ZNF521: variants seen among roughly 807,000 people sequenced by gnomAD.
ZNF521 encodes zinc finger protein 521.
ZNF521 carries 14 observed loss-of-function variants against 105.5 expected under a neutral mutation model. The observed-to-expected ratio is 0.13, with a 90% CI of 0.09 to 0.21. ZNF521 has a LOEUF of 0.21. Among genes scored for constraint, ZNF521 ranks in the 10% least tolerant of loss-of-function variants. The pLI is 1.00. For synonymous variants in ZNF521, 635 were observed against 606.0 expected, an observed-to-expected ratio of 1.05 and a Z score of -0.70; for missense variants, 1,233 against 1,629.7, an observed-to-expected ratio of 0.76 and a Z score of 4.19.
chr18:25,069,885 G>A (rs2033173485), intron 7 of ZNF521, among the ~76,000 whole-genome samples: 1 of 152,028 alleles, frequency 6.6e-6, no homozygotes, highest in African/African-American at 2.4e-5. Context: ...TCTCTTTAAT[G>A]CCATGAATGT....
intron 5 of ZNF521, among the ~76,000 whole-genome samples, chr18:25,128,115 A>T (rs2034570426): frequency 6.6e-6 from 1 of 151,980 alleles, no homozygotes; most frequent in South Asian, 2.1e-4. Flanking sequence ...ACATAAAACA[A>T]TTATACCGTA....
intron 3 of ZNF521, among the ~76,000 whole-genome samples, chr18:25,276,793 G>T (rs899175047): frequency 6.6e-6 from 1 of 152,284 alleles, no homozygotes; most frequent in East Asian, 1.9e-4. Flanking sequence ...GATATATTTA[G>T]TTCACCTTTA....
intron 5 of ZNF521, among the ~76,000 whole-genome samples, chr18:25,154,426 C>T (rs1361851602): frequency 1.3e-5 from 2 of 152,070 alleles, no homozygotes; most frequent in African/African-American, 2.4e-5. Context: ...AGTCATTCAC[C>T]TAGCTCTGAT....
intron 5 of ZNF521, among the ~76,000 whole-genome samples, chr18:25,092,673 A>G (rs568193166): frequency 6.6e-6 from 1 of 152,276 alleles, no homozygotes; most frequent in South Asian, 2.1e-4. Flanking sequence ...TAACTCTGGA[A>G]GACAGTTTCA....
chr18:25,099,723 C>A (rs2033927793), intron 5 of ZNF521, among the ~76,000 whole-genome samples: 1 of 152,130 alleles, frequency 6.6e-6, no homozygotes, highest in South Asian at 2.1e-4. Context: ...ATTTATTATA[C>A]TCTTTGTTTA....
intron 3 of ZNF521, chr18:25,301,824 G>C (rs1911657603): frequency 6.6e-6 from 1 of 152,130 alleles, no homozygotes; most frequent in African/African-American, 2.4e-5. Flanking sequence ...TGCAACCTCT[G>C]GAACACACAA....
intron 7 of ZNF521, among the ~76,000 whole-genome samples, chr18:25,078,765 C>T (rs118018165): frequency 3.4e-3 from 512 of 152,316 alleles, no homozygotes; most frequent in Non-Finnish European, 5.3e-3. Flanking sequence ...TGAAACGTTG[C>T]ACATTAATCT....
At chr18:25,256,926 C>T (rs993964086) in intron 3 of ZNF521, among the ~76,000 whole-genome samples, 6 of 151,944 alleles carry the variant, frequency 3.9e-5, no homozygotes, top group East Asian at 1.9e-4. Flanking sequence ...GTTCTGAAGA[C>T]GGCCATGGCA....
intron 3 of ZNF521, among the ~76,000 whole-genome samples, chr18:25,298,519 A>C (rs910256800): frequency 6.6e-6 from 1 of 152,208 alleles, no homozygotes; most frequent in Admixed American, 6.5e-5. Flanking sequence ...CACAAGAGAA[A>C]GTGAAGCAGA....
At chr18:25,236,409 G>A (rs574314282) in intron 3 of ZNF521, among the ~76,000 whole-genome samples, 12 of 151,922 alleles carry the variant, frequency 7.9e-5, no homozygotes, top group East Asian at 1.9e-4. Flanking sequence ...GGTGGCATGC[G>A]TCTGTAGTAC....
intron 3 of ZNF521, among the ~76,000 whole-genome samples, chr18:25,294,795 C>T (rs1911230832): frequency 8.0e-6 from 1 of 125,286 alleles, no homozygotes; most frequent in Non-Finnish European, 1.6e-5. Flanking sequence ...GCGGAGACAG[C>T]AGTGAGCCAA....
rs753332543 is a variant in ZNF521 at position 25,351,997 on chromosome 18, T to C, written c.-2+8A>G. 2.2e-6 allele frequency: 1 copy of C among 447,630 alleles called. No individual in the cohort carries two copies. The highest frequency in any genetic ancestry group is 2.2e-5 in the Admixed American group (1 of 45,176). 27.7% of individuals were successfully genotyped at this position (447,630 alleles called of 1,614,324 possible). ...GAGTGTGCTGTGTGCTCCCTCCTCA[T>C]CACAAACCTGCAAGGTCTTGGACTG... On this transcript the variant is annotated splice_region_variant and intron_variant, in intron 1 of 7. Coordinates refer to ENST00000361524, the MANE Select transcript of ZNF521 (RefSeq NM_015461.3).
chr18:25,339,363 T>C (rs1357351892), intron 2 of ZNF521, among the ~76,000 whole-genome samples: 2 of 152,230 alleles, frequency 1.3e-5, no homozygotes, highest in Non-Finnish European at 2.9e-5. Flanking sequence ...TTCGAAAACA[T>C]ATGAAACTTC....
intron 3 of ZNF521, among the ~76,000 whole-genome samples, chr18:25,293,309 T>C (rs538053353): frequency 4.0e-5 from 6 of 151,880 alleles, no homozygotes; most frequent in Non-Finnish European, 8.8e-5. Context: ...CACAAAGGGT[T>C]GTTGCTGCAT....
intron 5 of ZNF521, among the ~76,000 whole-genome samples, chr18:25,115,963 G>C (rs2144320813): frequency 6.6e-6 from 1 of 152,272 alleles, no homozygotes; most frequent in East Asian, 1.9e-4. Context: ...AATATTCAAA[G>C]CAGTATATTA....
At chr18:25,121,951 G>A (rs576154297) in intron 5 of ZNF521, among the ~76,000 whole-genome samples, 116 of 151,826 alleles carry the variant, frequency 7.6e-4, no homozygotes, top group Non-Finnish European at 1.4e-3. Flanking sequence ...TAAAGAAGCA[G>A]GAAAATGCAA....
At chr18:25,332,499 G>C (rs186718769) in intron 2 of ZNF521, among the ~76,000 whole-genome samples, 30 of 152,024 alleles carry the variant, frequency 2.0e-4, no homozygotes, top group Admixed American at 3.3e-4. Context: ...AATGTCGAAG[G>C]TTCCTTCATC....
At chr18:25,270,966 G>A (rs184581915) in intron 3 of ZNF521, among the ~76,000 whole-genome samples, 21 of 152,270 alleles carry the variant, frequency 1.4e-4, no homozygotes, top group Non-Finnish European at 5.9e-5. Context: ...ACTCAAATAG[G>A]AAGAGAGAAA....
intron 3 of ZNF521, among the ~76,000 whole-genome samples, chr18:25,278,403 G>A (rs1910168744): frequency 6.6e-6 from 1 of 152,140 alleles, no homozygotes; most frequent in Admixed American, 6.5e-5. Flanking sequence ...TCCCTTTTGG[G>A]TCTGTTCTTC....
Sources: allele counts gnomAD v4.1 joint callset (sites outside exome capture counted in the v4.1 genomes callset), GRCh38; gene constraint gnomAD v4.1.1; transcripts MANE v1.5; gene names NCBI Gene and HGNC (gene_info 2026-07-23, HGNC 2026-07-21).